EPHA6: variants seen among roughly 807,000 people sequenced by gnomAD.
EPHA6 encodes ephrin type-A receptor 6.
EPHA6 carries 50 observed loss-of-function variants against 112.0 expected under a neutral mutation model. The observed-to-expected ratio is 0.45, with a 90% confidence interval of 0.36 to 0.56. The LOEUF (loss-of-function observed/expected upper bound fraction) is 0.56, where lower values mean the gene tolerates loss of function less well. Ranked by LOEUF, EPHA6 falls within the 20% of genes least tolerant of loss-of-function variation. The pLI, the probability that EPHA6 is intolerant of heterozygous loss-of-function variation, is 0.00. For missense variants in EPHA6, 1,280 were observed against 1,417.4 expected (o/e 0.90, Z 1.56); for synonymous variants, 529 against 490.7 (o/e 1.08, Z -1.03).
At chr3:97,001,674 A>T (rs544563220) in intron 3 of EPHA6, among the ~76,000 whole-genome samples, 13 of 151,960 alleles carry the variant, frequency 8.6e-5, no homozygotes, top group Non-Finnish European at 1.6e-4. Context: ...TTATTACTGG[A>T]AATGGTAGTC....
At chr3:97,526,743 G>T (rs1560101491) in intron 10 of EPHA6, among the ~76,000 whole-genome samples, 1 of 152,170 alleles carries the variant, frequency 6.6e-6, no homozygotes, top group Non-Finnish European at 1.5e-5. Flanking sequence ...GCACTGATGG[G>T]CTAGTCACCC....
At chr3:97,213,259 C>T (rs1358020818) in intron 3 of EPHA6, among the ~76,000 whole-genome samples, 1 of 152,142 alleles carries the variant, frequency 6.6e-6, no homozygotes, top group African/African-American at 2.4e-5. Context: ...ACATTCACTT[C>T]CAGGGCCATG....
chr3:97,735,806 T>C, intron 15 of EPHA6, 119 bp from the exon 16 acceptor site: 1 of 697,056 alleles, frequency 1.4e-6, no homozygotes, highest in South Asian at 3.0e-5. Context: ...GTCCTTGTAC[T>C]CACAAGTAGT....
intron 5 of EPHA6, among the ~76,000 whole-genome samples, chr3:97,374,491 T>A (rs2085235821): frequency 6.6e-6 from 1 of 152,140 alleles, no homozygotes; most frequent in Admixed American, 6.6e-5. Context: ...TATCCTTTTT[T>A]AGTTTTCATT....
chr3:97,244,500 C>T (rs2078932401), intron 5 of EPHA6: 1 of 554,500 alleles, frequency 1.8e-6, no homozygotes. Flanking sequence ...AGATGAAATG[C>T]TTCCCTCCAC....
chr3:97,291,557 A>G (rs545792718), intron 5 of EPHA6, among the ~76,000 whole-genome samples: 1 of 151,904 alleles, frequency 6.6e-6, no homozygotes, highest in Non-Finnish European at 1.5e-5. Context: ...TTTTTCTTAT[A>G]TTTTGTTCTA....
chr3:97,144,984 T>C (rs1469402833), intron 3 of EPHA6, among the ~76,000 whole-genome samples: 1 of 151,530 alleles, frequency 6.6e-6, no homozygotes, highest in Non-Finnish European at 1.5e-5. Context: ...TTTCTATCAA[T>C]GCGCTCCTAT....
At chr3:96,894,732 G>A (rs925852319) in intron 2 of EPHA6, among the ~76,000 whole-genome samples, 2 of 152,072 alleles carry the variant, frequency 1.3e-5, no homozygotes, top group Admixed American at 6.6e-5. Context: ...ACGTGGATGA[G>A]GATGACATTG....
chr3:97,632,035 T>C (rs1302036454), intron 13 of EPHA6, among the ~76,000 whole-genome samples: 1 of 151,972 alleles, frequency 6.6e-6, no homozygotes, highest in Non-Finnish European at 1.5e-5. Flanking sequence ...TCAGCAAAAA[T>C]ATAAAAATTT....
chr3:97,251,860 G>C (rs563408749), intron 5 of EPHA6, among the ~76,000 whole-genome samples: 2 of 152,154 alleles, frequency 1.3e-5, no homozygotes, highest in East Asian at 3.9e-4. Context: ...CTAAAATACA[G>C]TGCTCTTTCT....
At chr3:97,158,274 C>G (rs973509019) in intron 3 of EPHA6, among the ~76,000 whole-genome samples, 1 of 152,250 alleles carries the variant, frequency 6.6e-6, no homozygotes, top group South Asian at 2.1e-4. Context: ...CACACACACA[C>G]AGACACACAC....
intron 5 of EPHA6, among the ~76,000 whole-genome samples, chr3:97,274,243 G>A (rs558367159): frequency 8.5e-5 from 13 of 152,288 alleles, no homozygotes; most frequent in African/African-American, 2.4e-4. Context: ...AAGTTTCAGC[G>A]GGGGAGTAGG....
At chr3:97,675,067 C>T (rs1054374661) in intron 14 of EPHA6, among the ~76,000 whole-genome samples, 4 of 152,158 alleles carry the variant, frequency 2.6e-5, no homozygotes, top group Admixed American at 6.6e-5. Context: ...AACAACAGCA[C>T]ATTATTATTC....
intron 1 of EPHA6, among the ~76,000 whole-genome samples, chr3:96,850,903 CATAA>C (rs879801743): frequency 7.2e-5 from 11 of 151,906 alleles, no homozygotes; most frequent in Admixed American, 2.0e-4. Context: ...TAAAAATATA[CATAA>C]ATAAAACAAA....
intron 11 of EPHA6, among the ~76,000 whole-genome samples, chr3:97,551,420 T>C (rs907508594): frequency 6.6e-6 from 1 of 152,186 alleles, no homozygotes; most frequent in Non-Finnish European, 1.5e-5. Flanking sequence ...GTATATTTAT[T>C]CATTTTTCTC....
At chr3:97,246,818 G>A (rs905472528) in intron 5 of EPHA6, among the ~76,000 whole-genome samples, 1 of 151,834 alleles carries the variant, frequency 6.6e-6, no homozygotes, top group Non-Finnish European at 1.5e-5. Flanking sequence ...TCTTGTGCTT[G>A]AAATTCTAAA....
chr3:97,198,100 C>T (rs778449363), intron 3 of EPHA6, among the ~76,000 whole-genome samples: 2 of 152,050 alleles, frequency 1.3e-5, no homozygotes, highest in Non-Finnish European at 2.9e-5. Flanking sequence ...CTGTTCATGC[C>T]TCTTTCCTTA....
At chr3:97,452,968 C>A (rs997646726) in intron 7 of EPHA6, among the ~76,000 whole-genome samples, 3 of 151,570 alleles carry the variant, frequency 2.0e-5, no homozygotes, top group Non-Finnish European at 4.4e-5. Context: ...TTGGAAAAAA[C>A]ATATTTGATA....
At chr3:97,286,376 C>T (rs1307520665) in intron 5 of EPHA6, among the ~76,000 whole-genome samples, 1 of 152,132 alleles carries the variant, frequency 6.6e-6, no homozygotes. Flanking sequence ...TCAAGTGTTA[C>T]ATTTAAGTCC....
Sources: allele counts gnomAD v4.1 joint callset (sites outside exome capture counted in the v4.1 genomes callset), GRCh38; gene constraint gnomAD v4.1.1; transcripts MANE v1.5; gene names NCBI Gene and HGNC (gene_info 2026-07-23, HGNC 2026-07-21).